The following TMEM117 variants were observed in gnomAD, a reference collection of about 807,000 sequenced individuals.
TMEM117 encodes transmembrane protein 117.
Under a neutral mutation model 52.4 loss-of-function variants are expected in TMEM117, and 27 were observed. That is an observed-to-expected ratio of 0.51 (90% CI 0.38 to 0.71). TMEM117 has a LOEUF of 0.71. Ranked by LOEUF, TMEM117 falls within the 30% of genes least tolerant of loss-of-function variation. The pLI, the probability that TMEM117 is intolerant of heterozygous loss-of-function variation, is 0.00. For synonymous variants in TMEM117, 215 were observed against 206.3 expected, an observed-to-expected ratio of 1.04 and a Z score of -0.36; for missense variants, 556 against 630.5, an observed-to-expected ratio of 0.88 and a Z score of 1.26.
chr12:44,129,552 G>A (rs1044312337), intron 3 of TMEM117, among the ~76,000 whole-genome samples: 12 of 152,126 alleles, frequency 7.9e-5, no homozygotes, highest in Non-Finnish European at 1.5e-4. Context: ...ATTCCTCATG[G>A]AACCCAGGGA....
intron 4 of TMEM117, among the ~76,000 whole-genome samples, chr12:44,156,915 A>T (rs566361878): frequency 6.6e-6 from 1 of 152,094 alleles, no homozygotes; most frequent in Non-Finnish European, 1.5e-5. Context: ...TTACAGAGCA[A>T]CTTTGACTCT....
At position 43,925,022 on chromosome 12, in the gene TMEM117, G is replaced by T. The variant is rs1312978305; in HGVS notation, c.278-19188G>T. Among the ~76,000 whole-genome samples the T allele has an allele frequency of 3.3e-5, 5 of 152,084 alleles. 1 individual carries two copies. Among genetic ancestry groups the T allele is most frequent in the Non-Finnish European group, 7.4e-5 (5 of 68,014 alleles). ...GCAGGTTGGTGCTAGCTGTTTGCTGGATCCCTCAGTTCCTCAAGTGGAATT... is the reference window on the plus strand; with the variant it reads ...GCAGGTTGGTGCTAGCTGTTTGCTGTATCCCTCAGTTCCTCAAGTGGAATT... On this transcript the variant is annotated intron_variant, in intron 2 of 7. Transcript: ENST00000266534.
chr12:44,089,114 C>A (rs954897646), intron 3 of TMEM117, among the ~76,000 whole-genome samples: 6 of 152,010 alleles, frequency 3.9e-5, no homozygotes, highest in African/African-American at 1.2e-4. Context: ...ATATGGATCA[C>A]AGGTATAAAG....
At chr12:44,016,224 A>C (rs561927691) in intron 3 of TMEM117, among the ~76,000 whole-genome samples, 1 of 152,184 alleles carries the variant, frequency 6.6e-6, no homozygotes, top group African/African-American at 2.4e-5. Context: ...GTTCAGTGGC[A>C]TGTTTGGCTT....
chr12:43,798,533 G>T, the TMEM117 span: 4 of 1,488,590 alleles, frequency 2.7e-6, no homozygotes. Context: ...ATTGGTTAAT[G>T]AAAACATCAT....
At chr12:44,182,709 A>G (rs2138318568) in intron 4 of TMEM117, among the ~76,000 whole-genome samples, 1 of 152,270 alleles carries the variant, frequency 6.6e-6, no homozygotes, top group Non-Finnish European at 1.5e-5. Context: ...GATAATTCAG[A>G]CATATATCCC....
intron 6 of TMEM117, among the ~76,000 whole-genome samples, chr12:44,369,186 G>A (rs915954757): frequency 1.3e-5 from 2 of 152,160 alleles, no homozygotes; most frequent in Non-Finnish European, 1.5e-5. Flanking sequence ...ACACTTATAA[G>A]ACTGACTTAT....
At chr12:44,009,739 CTTTG>C in intron 3 of TMEM117, 1 of 259,306 alleles carries the variant, frequency 3.9e-6, no homozygotes, top group Admixed American at 4.0e-5. Flanking sequence ...TGACCTTATT[CTTTG>C]TTTGACCAGG....
In TMEM117 at chr12:44,143,646, C is replaced by G. The variant is rs772792620; in HGVS notation, c.510+22C>G. 9 of 1,536,646 alleles carry G rather than the reference C, an allele frequency of 5.9e-6. No individual in the cohort carries two copies. In the Admixed American group the frequency reaches 1.5e-4, roughly 26 times the overall value. On this transcript the variant is annotated intron_variant, in intron 4 of 7. Transcript: ENST00000266534. The stretch of plus-strand genomic sequence containing the variant: ...GATGGTAAGAAAATTTTAACTTCAC[C>G]CATTTCAAACATCAAACGGAAGACA...
At chr12:43,829,643 C>T in the TMEM117 span, among the ~76,000 whole-genome samples, 5 of 152,302 alleles carry the variant, frequency 3.3e-5, no homozygotes, top group South Asian at 6.2e-4. Flanking sequence ...AGAAAGGGAA[C>T]GTCAGCTCAA....
intron 4 of TMEM117, among the ~76,000 whole-genome samples, chr12:44,177,931 C>G (rs906018397): frequency 2.0e-5 from 3 of 152,158 alleles, no homozygotes; most frequent in Non-Finnish European, 4.4e-5. Context: ...CCTGAGCTTA[C>G]ATTCTGTGAT....
chr12:44,329,442 A>G (rs1355871194), intron 6 of TMEM117, among the ~76,000 whole-genome samples: 1 of 152,118 alleles, frequency 6.6e-6, no homozygotes, highest in Non-Finnish European at 1.5e-5. Flanking sequence ...ATAAAGCTGT[A>G]ATTCCCAGCT....
At chr12:44,037,050 G>A (rs1946720650) in intron 3 of TMEM117, among the ~76,000 whole-genome samples, 1 of 152,162 alleles carries the variant, frequency 6.6e-6, no homozygotes, top group South Asian at 2.1e-4. Context: ...TGTGGCCAGG[G>A]CTGCAGCTCC....
chr12:44,046,400 T>C (rs1358562624), intron 3 of TMEM117, among the ~76,000 whole-genome samples: 3 of 152,264 alleles, frequency 2.0e-5, no homozygotes, highest in Non-Finnish European at 4.4e-5. Flanking sequence ...CCACTCCATA[T>C]TGGAGGTTAG....
chr12:44,377,522 A>T (rs1050620464), intron 7 of TMEM117, among the ~76,000 whole-genome samples: 2 of 152,170 alleles, frequency 1.3e-5, no homozygotes, highest in African/African-American at 4.8e-5. Flanking sequence ...AATATGATTT[A>T]TTGTAATATC....
chr12:43,993,060 A>G (rs1945969693), intron 3 of TMEM117, among the ~76,000 whole-genome samples: 1 of 152,210 alleles, frequency 6.6e-6, no homozygotes, highest in Non-Finnish European at 1.5e-5. Context: ...CAGAAAGTAG[A>G]CACTGCCTTG....
At chr12:43,838,582 G>T in intron 1 of TMEM117, among the ~76,000 whole-genome samples, 1 of 117,564 alleles carries the variant, frequency 8.5e-6, no homozygotes, top group East Asian at 2.3e-4. Context: ...TCTGTTACGT[G>T]TTATCCATAC....
At chr12:44,193,057 C>G (rs184742855) in intron 4 of TMEM117, among the ~76,000 whole-genome samples, 1 of 152,098 alleles carries the variant, frequency 6.6e-6, no homozygotes, top group Non-Finnish European at 1.5e-5. Context: ...TGGCTGTGCA[C>G]CTTTGAAAAT....
chr12:44,108,292 T>C (rs1947998594), intron 3 of TMEM117, among the ~76,000 whole-genome samples: 1 of 144,432 alleles, frequency 6.9e-6, no homozygotes, highest in African/African-American at 2.6e-5. Flanking sequence ...GCCATGCTGG[T>C]GCGCTGCACC....
Sources: allele counts gnomAD v4.1 joint callset (sites outside exome capture counted in the v4.1 genomes callset), GRCh38; gene constraint gnomAD v4.1.1; transcripts MANE v1.5; gene names NCBI Gene and HGNC (gene_info 2026-07-23, HGNC 2026-07-21).